Variants in UNC5D observed in about 807,000 individuals in gnomAD.
UNC5D encodes the protein netrin receptor UNC5D.
A neutral mutation model predicts 105.4 loss-of-function variants in UNC5D; 39 were observed. The observed-to-expected ratio is 0.37, with a 90% CI of 0.29 to 0.48. The LOEUF (loss-of-function observed/expected upper bound fraction) is 0.48. UNC5D is among the 20% of genes least tolerant of loss of function. The pLI is 0.98. For missense variants in UNC5D, 991 were observed against 1,202.4 expected (o/e 0.82, Z 2.60); for synonymous variants, 452 against 450.4 (o/e 1.00, Z -0.04).
At chr8:35,479,039 A>G (rs1376139533) in intron 1 of UNC5D, among the ~76,000 whole-genome samples, 2 of 152,200 alleles carry the variant, frequency 1.3e-5, no homozygotes, top group Admixed American at 6.5e-5. Flanking sequence ...ATATCAACGT[A>G]GTTTACAGAA....
chr8:35,245,542 G>A (rs1221278870), intron 1 of UNC5D, among the ~76,000 whole-genome samples: 4 of 152,086 alleles, frequency 2.6e-5, no homozygotes, highest in Non-Finnish European at 5.9e-5. Flanking sequence ...GAGGTGTGTG[G>A]GAGGGATATA....
At chr8:35,277,907 T>C (rs1805881902) in intron 1 of UNC5D, among the ~76,000 whole-genome samples, 1 of 152,218 alleles carries the variant, frequency 6.6e-6, no homozygotes. Context: ...CTTCAAATCA[T>C]TCAGGCTTTA....
intron 3 of UNC5D, among the ~76,000 whole-genome samples, chr8:35,588,477 T>A (rs1172547296): frequency 6.6e-6 from 1 of 152,148 alleles, no homozygotes; most frequent in African/African-American, 2.4e-5. Flanking sequence ...CTGAGAAACT[T>A]TTTTGCAATC....
rs1035364476 is a variant in UNC5D at position 35,235,879 on chromosome 8, C to T, written c.95C>T (p.Ala32Val). The stretch of plus-strand genomic sequence containing the variant: ...TGCTTCTGGGCGGCAGGGACCGCGG[C>T]TGCCCGAGGTAAGCGCTGGGCGGAG... The part of the protein sequence containing the change: ...GLCFWAAGTA[A>V]ARGTDNGEAL... The change falls in exon 1 of 17, where the codon GCT becomes GTT. Residue 32 changes from alanine to valine, a missense_variant. Around this residue, in one of 3 missense-constraint regions of UNC5D, gnomAD observed 944 missense variants for 1,131.6 expected, o/e 0.83. Coordinates refer to ENST00000404895, the MANE Select transcript of UNC5D (RefSeq NM_080872.4). 14 of 1,228,302 alleles carry T rather than the reference C, an allele frequency of 1.1e-5. No homozygotes were observed. Among genetic ancestry groups the T allele is most frequent in the Middle Eastern group, 3.1e-4 (1 of 3,246 alleles). 76.1% of individuals were successfully genotyped at this position (1,228,302 alleles called of 1,614,324 possible).
intron 1 of UNC5D, among the ~76,000 whole-genome samples, chr8:35,504,332 T>C (rs767100170): frequency 1.2e-4 from 19 of 152,206 alleles, no homozygotes; most frequent in Non-Finnish European, 1.9e-4. Context: ...GTGAGGCTAA[T>C]TAAAAGAGTT....
At chr8:35,296,331 G>A (rs908424089) in intron 1 of UNC5D, among the ~76,000 whole-genome samples, 2 of 152,060 alleles carry the variant, frequency 1.3e-5, no homozygotes, top group Non-Finnish European at 2.9e-5. Context: ...GTTATCTTTT[G>A]TCCTCTTGAT....
At chr8:35,450,833 T>A (rs1056913133) in intron 1 of UNC5D, among the ~76,000 whole-genome samples, 4 of 152,134 alleles carry the variant, frequency 2.6e-5, no homozygotes, top group Non-Finnish European at 4.4e-5. Flanking sequence ...AGATAAGATA[T>A]TCAATACTTA....
intron 15 of UNC5D, among the ~76,000 whole-genome samples, chr8:35,768,020 G>T (rs908160650): frequency 1.3e-5 from 2 of 149,886 alleles, no homozygotes; most frequent in African/African-American, 4.9e-5. Flanking sequence ...ATACATATAT[G>T]CATTTATTAA....
At position 35,793,006 on chromosome 8, in the gene UNC5D, G is replaced by T. The variant is rs1427157873; in HGVS notation, c.*2443G>T. 1 of 454,298 alleles carries T rather than the reference G, an allele frequency of 2.2e-6. No homozygotes were observed. The highest frequency in any genetic ancestry group is 2.4e-5 in the Admixed American group (1 of 42,270). The allele number at this position is 454,298 out of a possible 1,614,324, so 28.1% of individuals were successfully genotyped here. The stretch of plus-strand genomic sequence containing the variant: ...TTGGCCTGGGTTTTATAAACAACTT[G>T]AACATCATATCATATAGGATAACAA... On this transcript the variant is annotated 3_prime_UTR_variant, in exon 17 of 17. Transcript: ENST00000404895.
intron 4 of UNC5D, among the ~76,000 whole-genome samples, chr8:35,608,886 G>T (rs1454127697): frequency 6.6e-6 from 1 of 151,876 alleles, no homozygotes; most frequent in African/African-American, 2.4e-5. Flanking sequence ...GTGAGTACAT[G>T]TATCTATTTA....
intron 1 of UNC5D, among the ~76,000 whole-genome samples, chr8:35,432,512 T>A (rs17257770): frequency 0.048 from 7,294 of 152,234 alleles, 238 homozygotes; most frequent in East Asian, 0.073. Flanking sequence ...TTTATCCACT[T>A]CACTCTTACC....
intron 1 of UNC5D, among the ~76,000 whole-genome samples, chr8:35,419,248 G>A (rs1470449670): frequency 2.0e-5 from 3 of 152,156 alleles, no homozygotes; most frequent in African/African-American, 7.2e-5. Context: ...TTCTTTTGGT[G>A]CTGCTTCACC....
chr8:35,404,718 G>A (rs13266519), intron 1 of UNC5D, among the ~76,000 whole-genome samples: 65,691 of 151,882 alleles, frequency 0.43, 14,519 homozygotes, highest in East Asian at 0.7. Context: ...CTCCCGAGTA[G>A]CTGTGATTAC....
chr8:35,549,320 A>G lies in UNC5D; in HGVS notation c.132A>G (p.Glu44=). Residue 44 remains glutamate (E), a synonymous_variant, in exon 2 of 17, where the codon GAA becomes GAG. Transcript: ENST00000404895. ...RGTDNGEALP[E]SIPSAPGTLP... is the part of the protein sequence containing the mutation. ...CTGACAATGGCGAAGCCCTTCCCGA[A>G]TCCATCCCATCAGCTCCTGGGACAC... is the stretch of plus-strand genomic sequence containing the variant. 2 of 1,613,310 alleles carry G rather than the reference A, an allele frequency of 1.2e-6. No homozygotes were observed. Among genetic ancestry groups the G allele is most frequent in the African/African-American group, 1.3e-5 (1 of 75,014 alleles).
chr8:35,291,547 A>C (rs148131493), intron 1 of UNC5D, among the ~76,000 whole-genome samples: 92 of 152,238 alleles, frequency 6.0e-4, no homozygotes, highest in African/African-American at 2.1e-3. Flanking sequence ...AAAAAAACTG[A>C]GCTGGAAAAC....
chr8:35,241,802 C>T (rs975584799), intron 1 of UNC5D, among the ~76,000 whole-genome samples: 1 of 151,914 alleles, frequency 6.6e-6, no homozygotes, highest in African/African-American at 2.4e-5. Flanking sequence ...TTATCTATCA[C>T]CTTTTGATAT....
intron 9 of UNC5D, among the ~76,000 whole-genome samples, chr8:35,724,762 C>T (rs185424840): frequency 1.1e-3 from 161 of 152,226 alleles, no homozygotes; most frequent in African/African-American, 3.6e-3. Flanking sequence ...TTGAGGTCTC[C>T]GCAGAACCTC....
chr8:35,619,205 G>T (rs1203700395), intron 4 of UNC5D, among the ~76,000 whole-genome samples: 5 of 152,184 alleles, frequency 3.3e-5, no homozygotes. Context: ...GAAGGGATTT[G>T]ATAACTTCTG....
intron 15 of UNC5D, among the ~76,000 whole-genome samples, chr8:35,769,497 G>T (rs1199817534): frequency 6.6e-6 from 1 of 152,126 alleles, no homozygotes; most frequent in Admixed American, 6.5e-5. Flanking sequence ...ACAAAGGATG[G>T]GATGTAACCA....
Sources: gnomAD v4.1 joint callset for allele counts (sites outside exome capture counted in the v4.1 genomes callset) on GRCh38, gnomAD v4.1.1 for gene constraint, gnomAD v4.1.1 regional missense constraint, MANE v1.5 for transcripts, NCBI Gene and HGNC (gene_info 2026-07-23, HGNC 2026-07-21) for gene names.